LRRC8B: variants seen among roughly 807,000 people sequenced by gnomAD.
LRRC8B encodes leucine rich repeat containing 8 VRAC subunit B, also known as volume-regulated anion channel subunit LRRC8B.
Under a neutral mutation model 58.8 loss-of-function variants are expected in LRRC8B, and 23 were observed. The observed-to-expected ratio is 0.39, with a 90% CI of 0.28 to 0.55. The LOEUF (loss-of-function observed/expected upper bound fraction) is 0.55. LRRC8B is among the 20% of genes least tolerant of loss of function. LRRC8B has a pLI of 0.62. For synonymous variants in LRRC8B, 359 were observed against 374.1 expected (o/e 0.96, Z 0.47); for missense variants, 694 against 936.0 (o/e 0.74, Z 3.37).
chr1:89,546,754 G>T (rs1044169743), intron 1 of LRRC8B, among the ~76,000 whole-genome samples: 1 of 152,188 alleles, frequency 6.6e-6, no homozygotes, highest in African/African-American at 2.4e-5. Context: ...AGCCCTCAGT[G>T]TAGCTTTCTG....
Position 89,575,773 on chromosome 1 carries a change from G to A in LRRC8B, c.-124-3818G>A, listed in dbSNP as rs142560023. On this transcript the variant is annotated intron_variant, in intron 3 of 5. Transcript: ENST00000330947. ...CTATGTAAGATACTATCATATCATA[G>A]GATCAAAATCTGAATCCACTTGACT... Among the ~76,000 whole-genome samples, 279 of 152,198 alleles carry A rather than the reference G, an allele frequency of 1.8e-3. 2 individuals carry two copies. The highest frequency in any genetic ancestry group is 6.3e-3 in the African/African-American group (260 of 41,506).
At chr1:89,559,351 A>G (rs1652430282) in intron 1 of LRRC8B, among the ~76,000 whole-genome samples, 1 of 152,102 alleles carries the variant, frequency 6.6e-6, no homozygotes, top group Non-Finnish European at 1.5e-5. Context: ...TTCAGTTAAA[A>G]TTAGTACTTC....
chr1:89,567,850 G>A (rs1259249732), intron 1 of LRRC8B, among the ~76,000 whole-genome samples: 1 of 152,068 alleles, frequency 6.6e-6, no homozygotes, highest in East Asian at 1.9e-4. Context: ...ACATATCCAT[G>A]TGTGAACTAT....
chr1:89,583,890 C>T lies in LRRC8B; in HGVS notation c.1240C>T (p.Leu414Phe). 1 of 1,614,174 alleles carries T rather than the reference C, an allele frequency of 6.2e-7. No individual in the cohort carries two copies. Among genetic ancestry groups the T allele is most frequent in the Non-Finnish European group, 8.5e-7 (1 of 1,180,026 alleles). The change falls in exon 5 of 6, where the codon CTT becomes TTT. Residue 414 changes from leucine to phenylalanine, a missense_variant. Physicochemically the swap from Leu to Phe is conservative, Grantham distance 22. Around this residue, in one of 5 missense-constraint regions of LRRC8B, gnomAD observed 162 missense variants for 198.5 expected, o/e 0.82. Transcript: ENST00000330947. This position sits in a 1 kb window ranked among gnomAD's most constrained non-coding sequence, Gnocchi z 5.2. ...GACAGTTGAGAAACTGAAAAGTAAG[C>T]TTGTGAAAAATGCCCAGGACAAGAT... ...EWTVEKLKSK[L>F]VKNAQDKIEL...
At chr1:89,535,086 A>G (rs1650431986) in intron 1 of LRRC8B, among the ~76,000 whole-genome samples, 1 of 152,068 alleles carries the variant, frequency 6.6e-6, no homozygotes, top group Non-Finnish European at 1.5e-5. Flanking sequence ...GTGAATTTGA[A>G]AAGGGGAAAA....
At chr1:89,536,172 A>G (rs1008699203) in intron 1 of LRRC8B, among the ~76,000 whole-genome samples, 4 of 152,356 alleles carry the variant, frequency 2.6e-5, no homozygotes, top group Non-Finnish European at 5.9e-5. Context: ...AAGTGTTTAT[A>G]TTCACATTTA....
chr1:89,582,542 A>G, intron 4 of LRRC8B, 83 bp from the exon 5 acceptor site: 1 of 771,786 alleles, frequency 1.3e-6, no homozygotes, highest in Non-Finnish European at 2.1e-6. Flanking sequence ...CTTGGGAAGG[A>G]GGGCATGTGT....
intron 1 of LRRC8B, among the ~76,000 whole-genome samples, chr1:89,546,406 G>A (rs542019941): frequency 6.6e-6 from 1 of 152,266 alleles, no homozygotes; most frequent in Non-Finnish European, 1.5e-5. Context: ...GTTCTGGAAG[G>A]CACATTTAAA....
intron 5 of LRRC8B, among the ~76,000 whole-genome samples, chr1:89,592,027 T>G (rs536322505): frequency 6.6e-6 from 1 of 152,282 alleles, no homozygotes; most frequent in Admixed American, 6.5e-5. Context: ...ATTTCTTCTA[T>G]GTACTGTGGC....
At chr1:89,553,619 G>A (rs1278843088) in intron 1 of LRRC8B, among the ~76,000 whole-genome samples, 1 of 151,968 alleles carries the variant, frequency 6.6e-6, no homozygotes, top group Non-Finnish European at 1.5e-5. Context: ...ATTTCTCTTT[G>A]GAAAAAGTCA....
At position 89,584,802 on chromosome 1, in the gene LRRC8B, A is replaced by G. The variant is rs1557623562; in HGVS notation, c.2139+13A>G. ...GACCAACAACAATGTAAGTAAATCC[A>G]TTCTTTCTTTTATTCAGTATCTGCC... On this transcript the variant is annotated intron_variant, in intron 5 of 5. Coordinates refer to ENST00000330947, the MANE Select transcript of LRRC8B (RefSeq NM_001369817.2). The G allele has an allele frequency of 1.9e-6, 3 of 1,540,798 alleles. No homozygotes were observed. Among genetic ancestry groups the G allele is most frequent in the Admixed American group, 3.7e-5 (2 of 54,216 alleles).
At chr1:89,560,909 G>A (rs1168625136) in intron 1 of LRRC8B, among the ~76,000 whole-genome samples, 1 of 152,060 alleles carries the variant, frequency 6.6e-6, no homozygotes, top group African/African-American at 2.4e-5. Flanking sequence ...CCCAGTAATG[G>A]GATGGCTGGG....
At chr1:89,573,247 C>G (rs1341377830) in intron 3 of LRRC8B, among the ~76,000 whole-genome samples, 1 of 151,612 alleles carries the variant, frequency 6.6e-6, no homozygotes, top group Non-Finnish European at 1.5e-5. Flanking sequence ...TTGCAGTGAA[C>G]CAAGATCGCG....
chr1:89,541,519 G>A lies in LRRC8B; in HGVS notation c.-241+16497G>A, dbSNP rs561189185. On this transcript the variant is annotated intron_variant, in intron 1 of 5. Transcript: ENST00000330947. ...GAGGTCAGGAGATCGAGACCATCCC[G>A]GCTAAAACGGTGAAACCCCGTCTCT... 4.6e-3 allele frequency among the ~76,000 whole-genome samples: 690 copies of A among 151,368 alleles called. 2 individuals are homozygous for A. Among genetic ancestry groups the A allele is most frequent in the Non-Finnish European group, 5.0e-3 (338 of 67,840 alleles).
rs1241702072 is a variant in LRRC8B, at chr1:89,524,934, G to A, written c.-329G>A. On this transcript the variant is annotated 5_prime_UTR_variant, in exon 1 of 6. The change creates a new upstream start codon in the 5' untranslated region. Coordinates refer to ENST00000330947, the MANE Select transcript of LRRC8B (RefSeq NM_001369817.2). ...CCCGCAGCCTCCGGCAGCCGGGAAA[G>A]TGCGGGCGCGGGGCCGCAGCCTGCC... 2.6e-5 allele frequency: 4 copies of A among 152,242 alleles called. No individual in the cohort carries two copies. Among genetic ancestry groups the A allele is most frequent in the African/African-American group, 9.6e-5 (4 of 41,458 alleles). The allele number at this position is 152,242 out of a possible 1,614,324, so 9.4% of individuals were successfully genotyped here. A position where few individuals can be genotyped will look rare whatever the true frequency, so the allele number is the denominator to read the frequency against.
At position 89,594,537 on chromosome 1, in the gene LRRC8B, T is replaced by C. The variant is rs1453145662; in HGVS notation, c.*1494T>C. On this transcript the variant is annotated 3_prime_UTR_variant, in exon 6 of 6. Coordinates refer to ENST00000330947, the MANE Select transcript of LRRC8B (RefSeq NM_001369817.2). ...GCAAAAGACTTTTTTTCCCTCCATC[T>C]ATGTAATCTCTAGCTATGATTATAA... 6.6e-6 allele frequency: 1 copy of C among 152,202 alleles called. No individual in the cohort carries two copies. The highest frequency in any genetic ancestry group is 1.5e-5 in the Non-Finnish European group (1 of 68,014). The allele number at this position is 152,202 out of a possible 1,614,324, so 9.4% of individuals were successfully genotyped here. A position where few individuals can be genotyped will look rare whatever the true frequency, so the allele number is the denominator to read the frequency against.
chr1:89,558,923 G>T (rs1025406959), intron 1 of LRRC8B: 1 of 152,146 alleles, frequency 6.6e-6, no homozygotes, highest in Non-Finnish European at 1.5e-5. Flanking sequence ...TTGCACTGAG[G>T]ATTAAGCTTC....
intron 1 of LRRC8B, among the ~76,000 whole-genome samples, chr1:89,559,709 T>C (rs1251568798): frequency 6.6e-6 from 1 of 151,404 alleles, no homozygotes; most frequent in Admixed American, 6.6e-5. Context: ...TGAGGCAGAG[T>C]GAGTGTCCAT....
At chr1:89,580,625 G>T (rs1654152989) in intron 4 of LRRC8B, among the ~76,000 whole-genome samples, 1 of 152,122 alleles carries the variant, frequency 6.6e-6, no homozygotes, top group Non-Finnish European at 1.5e-5. Context: ...ACACAATTAT[G>T]TAAGGCAGAG....
Sources: allele counts gnomAD v4.1 joint callset (sites outside exome capture counted in the v4.1 genomes callset), GRCh38; gene constraint gnomAD v4.1.1; regional missense constraint gnomAD v4.1.1; non-coding constraint Gnocchi (gnomAD v3.1); transcripts MANE v1.5; gene names NCBI Gene and HGNC (gene_info 2026-07-23, HGNC 2026-07-21).